Variants in KCNJ6 observed in about 807,000 individuals in gnomAD.
The protein encoded by KCNJ6 is G protein-activated inward rectifier potassium channel 2.
Under a neutral mutation model 34.2 loss-of-function variants are expected in KCNJ6, and 9 were observed. That is an observed-to-expected ratio of 0.26 (90% CI 0.16 to 0.46). The LOEUF (loss-of-function observed/expected upper bound fraction) is 0.46. Among genes scored for constraint, KCNJ6 ranks in the 20% least tolerant of loss-of-function variants. The pLI, the probability that KCNJ6 is intolerant of heterozygous loss-of-function variation, is 1.00. For synonymous variants in KCNJ6, 196 were observed against 207.1 expected, an observed-to-expected ratio of 0.95 and a Z score of 0.46; for missense variants, 236 against 531.3, an observed-to-expected ratio of 0.44 and a Z score of 5.46.
intron 2 of KCNJ6, among the ~76,000 whole-genome samples, chr21:37,827,494 T>TA (rs1164457482): frequency 4.0e-5 from 6 of 151,484 alleles, no homozygotes; most frequent in African/African-American, 9.7e-5. Flanking sequence ...TGGAAATTTA[T>TA]AAAATCATAG....
chr21:37,800,516 T>A (rs1015798220), intron 2 of KCNJ6, among the ~76,000 whole-genome samples: 1 of 152,210 alleles, frequency 6.6e-6, no homozygotes, highest in East Asian at 1.9e-4. Context: ...AAGTGTTGAT[T>A]ATTTCTCATC....
chr21:37,631,513 C>A (rs930490543), intron 3 of KCNJ6, among the ~76,000 whole-genome samples: 1 of 152,128 alleles, frequency 6.6e-6, no homozygotes, highest in Non-Finnish European at 1.5e-5. Flanking sequence ...TAGTTGAGGC[C>A]TCTGGACAAT....
chr21:37,754,476 T>C (rs1180199116), intron 2 of KCNJ6, among the ~76,000 whole-genome samples: 1 of 152,198 alleles, frequency 6.6e-6, no homozygotes, highest in East Asian at 1.9e-4. Context: ...TGACACTTAG[T>C]AGACACCCCA....
intron 2 of KCNJ6, among the ~76,000 whole-genome samples, chr21:37,758,719 C>T (rs555322701): frequency 6.6e-6 from 1 of 152,192 alleles, no homozygotes; most frequent in South Asian, 2.1e-4. Flanking sequence ...CTCACTGCAA[C>T]CTTGACCCTC....
chr21:37,749,783 C>T (rs2054985658), intron 2 of KCNJ6, among the ~76,000 whole-genome samples: 1 of 152,182 alleles, frequency 6.6e-6, no homozygotes, highest in African/African-American at 2.4e-5. Flanking sequence ...TAACTTAACA[C>T]AGGGACATAA....
At chr21:37,773,789 C>T (rs1488999273) in intron 2 of KCNJ6, among the ~76,000 whole-genome samples, 1 of 152,108 alleles carries the variant, frequency 6.6e-6, no homozygotes, top group African/African-American at 2.4e-5. Flanking sequence ...TATTCCATCC[C>T]TCCTGAGTTC....
chr21:37,617,014 TTC>T lies in KCNJ6; in HGVS notation c.*8143_*8144del, dbSNP rs1233635729. On this transcript the variant is annotated 3_prime_UTR_variant, in exon 4 of 4. Coordinates refer to ENST00000609713, the MANE Select transcript of KCNJ6 (RefSeq NM_002240.5). Reference sequence around the variant, plus strand: ...TTCTTTCTTTCTCTTTCTTTTCTCTTTCTTTCTTTCTTTCTTTCTTTCTTTCT... The same window carrying T: ...TTCTTTCTTTCTCTTTCTTTTCTCTTTTTCTTTCTTTCTTTCTTTCTTTCT... The T allele has an allele frequency of 7.2e-5, 2 of 27,922 alleles. No homozygotes were observed. The highest frequency in any genetic ancestry group is 2.9e-4 in the African/African-American group (2 of 6,926). 1.7% of individuals were successfully genotyped at this position (27,922 alleles called of 1,614,324 possible). A position where few individuals can be genotyped will look rare whatever the true frequency, so the allele number is the denominator to read the frequency against.
At chr21:37,828,252 AGGT>A (rs1882594134) in intron 2 of KCNJ6, among the ~76,000 whole-genome samples, 1 of 152,220 alleles carries the variant, frequency 6.6e-6, no homozygotes, top group Non-Finnish European at 1.5e-5. Flanking sequence ...ACCGGGGTGT[AGGT>A]GGTGATGTTT....
intron 3 of KCNJ6, among the ~76,000 whole-genome samples, chr21:37,713,502 G>A (rs570118540): frequency 2.1e-4 from 32 of 152,232 alleles, no homozygotes; most frequent in African/African-American, 7.0e-4. Context: ...TTTCAGACAT[G>A]AGCGAAGACG....
intron 1 of KCNJ6, among the ~76,000 whole-genome samples, chr21:37,841,190 T>C (rs764048965): frequency 6.6e-6 from 1 of 152,182 alleles, no homozygotes; most frequent in Non-Finnish European, 1.5e-5. Flanking sequence ...TAAAAAGTCA[T>C]AGGTTTTGAT....
At chr21:37,872,873 C>A (rs1330139553) in intron 1 of KCNJ6, among the ~76,000 whole-genome samples, 1 of 152,156 alleles carries the variant, frequency 6.6e-6, no homozygotes, top group Non-Finnish European at 1.5e-5. Flanking sequence ...ATGAGATCTG[C>A]TGGTTTTATG....
intron 2 of KCNJ6, among the ~76,000 whole-genome samples, chr21:37,811,639 T>C (rs548237430): frequency 2.6e-5 from 4 of 152,320 alleles, no homozygotes; most frequent in Non-Finnish European, 4.4e-5. Context: ...GTCTTGTTCA[T>C]ACTAATTAGC....
intron 1 of KCNJ6, among the ~76,000 whole-genome samples, chr21:37,852,671 G>A (rs1049852692): frequency 6.6e-6 from 1 of 152,140 alleles, no homozygotes; most frequent in Non-Finnish European, 1.5e-5. Flanking sequence ...AAAATTACCT[G>A]TCATACCAAC....
Position 37,899,003 on chromosome 21 carries a change from T to C in KCNJ6, c.-28+16881A>G, listed in dbSNP as rs1358604390. Among the ~76,000 whole-genome samples, 3 of 152,362 alleles carry C rather than the reference T, an allele frequency of 2.0e-5. No homozygotes were observed. The East Asian group carries it at 5.8e-4, about 29-fold the overall frequency. On this transcript the variant is annotated intron_variant, in intron 1 of 3. Coordinates refer to ENST00000609713, the MANE Select transcript of KCNJ6 (RefSeq NM_002240.5). ...TTTAACAAGAAAATATTATCCAATG[T>C]TTTAAAATAAGAAAGGTTAAAAAGA...
At chr21:37,807,649 A>G (rs1411319999) in intron 2 of KCNJ6, among the ~76,000 whole-genome samples, 1 of 152,242 alleles carries the variant, frequency 6.6e-6, no homozygotes, top group Non-Finnish European at 1.5e-5. Flanking sequence ...CCTAGGAGCA[A>G]CAGGCTGGAC....
intron 1 of KCNJ6, among the ~76,000 whole-genome samples, chr21:37,844,852 G>T (rs542706076): frequency 9.9e-5 from 15 of 152,260 alleles, no homozygotes; most frequent in African/African-American, 3.6e-4. Context: ...TGTATAATTT[G>T]TTATGGCATT....
intron 2 of KCNJ6, among the ~76,000 whole-genome samples, chr21:37,733,583 C>G (rs1416959070): frequency 3.9e-5 from 6 of 152,108 alleles, no homozygotes; most frequent in Non-Finnish European, 7.3e-5. Flanking sequence ...CCAACTTCTA[C>G]CCTGAAAAAT....
chr21:37,896,359 T>G (rs2055788077), intron 1 of KCNJ6, among the ~76,000 whole-genome samples: 1 of 152,196 alleles, frequency 6.6e-6, no homozygotes, highest in African/African-American at 2.4e-5. Context: ...CCATGCTAAC[T>G]GCTGAGGCTT....
chr21:37,789,688 T>G (rs1029221044), intron 2 of KCNJ6, among the ~76,000 whole-genome samples: 1 of 152,198 alleles, frequency 6.6e-6, no homozygotes, highest in East Asian at 1.9e-4. Flanking sequence ...CACAGCTGAA[T>G]CAATACCAAT....
Sources: allele counts gnomAD v4.1 joint callset (sites outside exome capture counted in the v4.1 genomes callset), GRCh38; gene constraint gnomAD v4.1.1; transcripts MANE v1.5; gene names NCBI Gene and HGNC (gene_info 2026-07-23, HGNC 2026-07-21).